Variants in LRRC37B observed in about 807,000 individuals in gnomAD.
The protein encoded by LRRC37B is leucine rich repeat containing 37B.
In LRRC37B, 28 loss-of-function variants were observed where a neutral mutation model predicts 98.3. The ratio of observed to expected loss-of-function variants is 0.28; its 90% CI spans 0.21 to 0.39. LRRC37B has a LOEUF of 0.39. Ranked by LOEUF, LRRC37B falls within the 10% of genes least tolerant of loss-of-function variation. The probability of loss-of-function intolerance (pLI) is 1.00; values close to 1 mark genes in which losing one functional copy is unlikely to be tolerated. For synonymous variants in LRRC37B, 364 were observed against 442.7 expected (o/e 0.82, Z 2.23); for missense variants, 938 against 1,182.7 (o/e 0.79, Z 3.03).
intron 4 of LRRC37B, among the ~76,000 whole-genome samples, chr17:32,031,122 T>G (rs1172953474): frequency 3.3e-5 from 5 of 152,144 alleles, no homozygotes; most frequent in Middle Eastern, 3.4e-3. Flanking sequence ...GGTACTGAAG[T>G]TGTGAAATCC....
chr17:32,041,666 C>G (rs1474295833), intron 7 of LRRC37B: 2 of 459,410 alleles, frequency 4.4e-6, no homozygotes, highest in African/African-American at 4.0e-5. Context: ...TTGAGGTACT[C>G]CCTCAGCAGG....
At chr17:32,030,693 C>G (rs1478852944) in exon 4 of LRRC37B, 8 of 1,471,298 alleles carry the variant, frequency 5.4e-6, no homozygotes, top group Non-Finnish European at 7.4e-6. Flanking sequence ...TATTGAAAGA[C>G]AAACATTTGA....
intron 2 of LRRC37B, among the ~76,000 whole-genome samples, chr17:32,027,399 G>A (rs1238678318): frequency 6.6e-6 from 1 of 151,654 alleles, no homozygotes; most frequent in Non-Finnish European, 1.5e-5. Flanking sequence ...TTGCATGTGT[G>A]TGTGTGCTTG....
chr17:32,008,475 TC>T (rs1218146510), intron 1 of LRRC37B, among the ~76,000 whole-genome samples: 1 of 152,248 alleles, frequency 6.6e-6, no homozygotes, highest in Non-Finnish European at 1.5e-5. Flanking sequence ...TTCATTTTTC[TC>T]CCCTTGTTTT....
At chr17:32,053,407 A>G (rs1338826588) in exon 12 of LRRC37B, 1 of 966,884 alleles carries the variant, frequency 1.0e-6, no homozygotes, top group African/African-American at 1.7e-5. Flanking sequence ...ACTTAAATCA[A>G]TGAAAACTTT....
upstream of LRRC37B, among the ~76,000 whole-genome samples, chr17:32,007,675 C>CCCG (rs1001738091): frequency 2.0e-5 from 3 of 151,074 alleles, no homozygotes; most frequent in Admixed American, 6.6e-5. This position sits in a 1 kb window ranked among gnomAD's most constrained non-coding sequence, Gnocchi z 4.1. Flanking sequence ...GCGCCCCGGC[C>CCCG]CCGCCGCCGC....
At chr17:32,044,057 T>C (rs1339403953) in intron 7 of LRRC37B, among the ~76,000 whole-genome samples, 21 of 151,450 alleles carry the variant, frequency 1.4e-4, no homozygotes, top group Non-Finnish European at 7.4e-5. Context: ...ATTTACATTA[T>C]TCACAGAGCT....
upstream of LRRC37B, among the ~76,000 whole-genome samples, chr17:32,018,296 C>T (rs139952462): frequency 4.1e-3 from 628 of 152,266 alleles, 6 homozygotes; most frequent in African/African-American, 0.015. Flanking sequence ...CATTGCACTC[C>T]AGCCTGGGCG....
At chr17:32,028,807 AT>A (rs1218500122) in intron 3 of LRRC37B, 1 of 123,694 alleles carries the variant, frequency 8.1e-6, no homozygotes, top group Non-Finnish European at 1.7e-5. Flanking sequence ...TATGTCATTA[AT>A]CCTTATTAGT....
chr17:32,033,041 G>C (rs1461311382), intron 5 of LRRC37B, among the ~76,000 whole-genome samples: 1 of 152,214 alleles, frequency 6.6e-6, no homozygotes, highest in African/African-American at 2.4e-5. Context: ...GCGGGCACAT[G>C]TAATCCTAGC....
intron 7 of LRRC37B, chr17:32,042,063 C>T: frequency 5.9e-6 from 2 of 340,734 alleles, no homozygotes; most frequent in Non-Finnish European, 1.2e-5. Context: ...ACCCCAGCCT[C>T]ACACATGCAC....
intron 1 of LRRC37B, among the ~76,000 whole-genome samples, chr17:32,013,708 A>ATGTGTGTGTGTGTGTGTG (rs879747437): frequency 6.9e-5 from 9 of 130,388 alleles, no homozygotes; most frequent in African/African-American, 2.6e-4. Flanking sequence ...TTATAATTGT[A>ATGTGTGTGTGTGTGTGTG]TATGTGTGTG....
intron 2 of LRRC37B, among the ~76,000 whole-genome samples, chr17:32,025,002 A>T (rs1319567333): frequency 7.1e-6 from 1 of 140,426 alleles, no homozygotes; most frequent in Non-Finnish European, 1.6e-5. Context: ...CATACAAATA[A>T]TACATGGTTA....
Position 32,025,337 on chromosome 17 carries a change from A to G in LRRC37B, c.1832+555A>G, listed in dbSNP as rs1256716357. 3.6e-3 allele frequency among the ~76,000 whole-genome samples: 547 copies of G among 151,288 alleles called. 2 individuals carry two copies. The highest frequency in any genetic ancestry group is 0.011 in the African/African-American group (453 of 40,846). ...AGGCATGAGCCACCACCCCCAGCCC[A>G]TGATTCTATTTTTAATGTATAAAAA... On this transcript the variant is annotated intron_variant, in intron 2 of 11. Coordinates refer to ENST00000327564, the Ensembl canonical transcript of LRRC37B.
upstream of LRRC37B, chr17:32,020,947 CG>C (rs1910753602): frequency 6.9e-7 from 1 of 1,447,856 alleles, no homozygotes; most frequent in African/African-American, 1.4e-5. Context: ...TCCGGCCTGG[CG>C]GGGTGGGAAG....
chr17:32,041,356 A>G (rs757443341), intron 7 of LRRC37B: 22 of 755,170 alleles, frequency 2.9e-5, no homozygotes, highest in Non-Finnish European at 4.6e-5. Context: ...CCAAGCTGCA[A>G]GGTGCTGTAT....
exon 1 of LRRC37B, chr17:32,021,602 C>T (rs1449519534): frequency 1.2e-6 from 2 of 1,614,124 alleles, no homozygotes; most frequent in Non-Finnish European, 1.7e-6. Flanking sequence ...TTCCTCGCCT[C>T]AAGTGGGTTC....
chr17:32,009,055 A>C (rs751431427), intron 1 of LRRC37B, among the ~76,000 whole-genome samples: 1 of 152,102 alleles, frequency 6.6e-6, no homozygotes. Context: ...CTGCAAATGT[A>C]TGAAGAGTTC....
chr17:32,039,275 C>T (rs1021420380), intron 7 of LRRC37B, among the ~76,000 whole-genome samples: 54 of 150,804 alleles, frequency 3.6e-4, no homozygotes, highest in Non-Finnish European at 7.4e-4. Context: ...TCATGCCTGG[C>T]CTTCTTTGTA....
Sources: allele counts gnomAD v4.1 joint callset (sites outside exome capture counted in the v4.1 genomes callset), GRCh38; gene constraint gnomAD v4.1.1; non-coding constraint Gnocchi (gnomAD v3.1); transcripts MANE v1.5; gene names NCBI Gene and HGNC (gene_info 2026-07-23, HGNC 2026-07-21).